The following PDSS2 variants were observed in gnomAD, a reference collection of about 807,000 sequenced individuals.
PDSS2 encodes the protein decaprenyl diphosphate synthase subunit 2.
PDSS2 carries 31 observed loss-of-function variants against 44.5 expected under a neutral mutation model. The observed-to-expected ratio is 0.70, with a 90% confidence interval of 0.52 to 0.94. PDSS2 has a LOEUF of 0.94. Among genes scored for constraint, PDSS2 ranks in the 40% least tolerant of loss-of-function variants. The probability of loss-of-function intolerance (pLI) is 0.00; values close to 1 mark genes in which losing one functional copy is unlikely to be tolerated. For synonymous variants in PDSS2, 157 were observed against 180.3 expected, an observed-to-expected ratio of 0.87 and a Z score of 1.03; for missense variants, 452 against 482.2, an observed-to-expected ratio of 0.94 and a Z score of 0.59.
chr6:107,168,895 T>C (rs9480744), intron 7 of PDSS2, among the ~76,000 whole-genome samples: 63,837 of 151,936 alleles, frequency 0.42, 13,744 homozygotes, highest in African/African-American at 0.45. Context: ...CCTTTCTCTC[T>C]GGCTGCCCTT....
intron 6 of PDSS2, among the ~76,000 whole-genome samples, chr6:107,203,987 C>G (rs897849705): frequency 2.4e-4 from 36 of 151,166 alleles, no homozygotes; most frequent in Non-Finnish European, 4.9e-4. Flanking sequence ...TCTGTCCCCA[C>G]GCTGGAGTGC....
Position 107,350,636 on chromosome 6 carries a change from AC to A in PDSS2, c.297-16305del, listed in dbSNP as rs1778403610. The stretch of plus-strand genomic sequence containing the variant: ...GGCAAAATAGTGAGATCTCATCTCT[AC>A]AAAAATAAAAATAAATGTGAAAATT... On this transcript the variant is annotated intron_variant, in intron 1 of 7. Coordinates refer to ENST00000369037, the MANE Select transcript of PDSS2 (RefSeq NM_020381.4). Among the ~76,000 whole-genome samples the A allele has an allele frequency of 3.3e-5, 5 of 152,106 alleles. No homozygotes were observed. The South Asian group carries it at 1.0e-3, about 32-fold the overall frequency.
chr6:107,440,261 A>G (rs564186751), intron 1 of PDSS2, among the ~76,000 whole-genome samples: 1 of 152,324 alleles, frequency 6.6e-6, no homozygotes, highest in East Asian at 1.9e-4. Context: ...GTTGCTACCA[A>G]CACTACCATC....
intron 2 of PDSS2, among the ~76,000 whole-genome samples, chr6:107,299,571 T>TA (rs905755060): frequency 2.0e-5 from 3 of 152,120 alleles, no homozygotes; most frequent in African/African-American, 7.2e-5. Context: ...ACTGTTCTCT[T>TA]ACCCCCTTTC....
At chr6:107,231,457 A>G (rs1261328217) in intron 4 of PDSS2, among the ~76,000 whole-genome samples, 8 of 152,170 alleles carry the variant, frequency 5.3e-5, no homozygotes, top group African/African-American at 1.9e-4. Context: ...TCCACTGCCA[A>G]CAATCTCGTC....
chr6:107,272,321 A>G lies in PDSS2; in HGVS notation c.630+1708T>C, dbSNP rs1775628458. ...TGGGATCCCAGGATAGCTGGCTTAC[A>G]CTGAGACTCTCCTTTAGCAAACTAG... On this transcript the variant is annotated intron_variant, in intron 3 of 7. Coordinates refer to ENST00000369037, the MANE Select transcript of PDSS2 (RefSeq NM_020381.4). Among the ~76,000 whole-genome samples, 4 of 152,196 alleles carry G rather than the reference A, an allele frequency of 2.6e-5. No homozygotes were observed. In the South Asian group the frequency reaches 8.3e-4, roughly 31 times the overall value.
intron 1 of PDSS2, among the ~76,000 whole-genome samples, chr6:107,415,598 A>G (rs950834144): frequency 6.6e-6 from 1 of 152,200 alleles, no homozygotes; most frequent in African/African-American, 2.4e-5. Context: ...GAAGGCAATT[A>G]ACAACTCATT....
rs67225192 is a variant in PDSS2 at position 107,286,136 on chromosome 6, T to TAAAATTAAAA, written c.432-11910_432-11909insTTTTAATTTT. On this transcript the variant is annotated intron_variant, in intron 2 of 7. Coordinates refer to ENST00000369037, the MANE Select transcript of PDSS2 (RefSeq NM_020381.4). ...CAAGGAGCAAAACTTCGTCGCAAAA[T>TAAAATTAAAA]AAAAAAAAAAAAAAGGAAAGAAAAG... Among the ~76,000 whole-genome samples the TAAAATTAAAA allele has an allele frequency of 7.2e-4, 93 of 128,742 alleles. 2 individuals are homozygous for TAAAATTAAAA. The highest frequency in any genetic ancestry group is 1.2e-3 in the Non-Finnish European group (76 of 63,324). The allele number at this position is 128,742 out of a possible 152,430, so 84.5% of individuals were successfully genotyped here. A position where few individuals can be genotyped will look rare whatever the true frequency, so the allele number is the denominator to read the frequency against.
At chr6:107,158,726 T>C (rs1174845765) in intron 7 of PDSS2, among the ~76,000 whole-genome samples, 1 of 121,180 alleles carries the variant, frequency 8.3e-6, no homozygotes, top group Non-Finnish European at 2.0e-5. Flanking sequence ...CATTTAACTG[T>C]TTTCTTTTTT....
At chr6:107,326,946 AAAG>A (rs1777567399) in intron 2 of PDSS2, among the ~76,000 whole-genome samples, 1 of 152,200 alleles carries the variant, frequency 6.6e-6, no homozygotes, top group South Asian at 2.1e-4. Flanking sequence ...GACCATCTAA[AAAG>A]AAGAAATGCC....
At chr6:107,307,399 T>C (rs1385453365) in intron 2 of PDSS2, among the ~76,000 whole-genome samples, 1 of 152,222 alleles carries the variant, frequency 6.6e-6, no homozygotes, top group Non-Finnish European at 1.5e-5. Flanking sequence ...CAAATCAGCG[T>C]ACTTGATTCA....
intron 4 of PDSS2, among the ~76,000 whole-genome samples, chr6:107,233,424 T>C (rs890272233): frequency 5.3e-5 from 8 of 152,130 alleles, no homozygotes; most frequent in Non-Finnish European, 1.2e-4. Context: ...ACAGCAGAAA[T>C]TCAATACAAG....
intron 1 of PDSS2, among the ~76,000 whole-genome samples, chr6:107,436,854 T>C (rs1192816639): frequency 3.3e-5 from 5 of 151,952 alleles, no homozygotes; most frequent in African/African-American, 1.2e-4. Context: ...CAGTTATTAT[T>C]TGTCAATTAA....
rs1337203736 is a variant in PDSS2, at chr6:107,365,073, AGT to A, written c.297-30743_297-30742del. On this transcript the variant is annotated intron_variant, in intron 1 of 7. Transcript: ENST00000369037. ...TCTGAATCTACATGAAGAAACAAAG[AGT>A]GTAAAAAATAGTGAATAGGTGGGTA... Among the ~76,000 whole-genome samples the A allele has an allele frequency of 2.6e-5, 4 of 152,332 alleles. No homozygotes were observed. The East Asian group carries it at 7.7e-4, about 29-fold the overall frequency.
At chr6:107,202,381 CA>C (rs375196020) in intron 6 of PDSS2, among the ~76,000 whole-genome samples, 46 of 138,682 alleles carry the variant, frequency 3.3e-4, no homozygotes, top group Non-Finnish European at 5.7e-4. Context: ...GCCATCTCTG[CA>C]AAAAAAAAAC....
chr6:107,226,280 C>A (rs1004931999), intron 4 of PDSS2, among the ~76,000 whole-genome samples: 1 of 152,126 alleles, frequency 6.6e-6, no homozygotes, highest in Non-Finnish European at 1.5e-5. Context: ...CCACTGCACT[C>A]CAGCCTGGGC....
intron 1 of PDSS2, among the ~76,000 whole-genome samples, chr6:107,455,334 A>G (rs879885820): frequency 7.9e-5 from 12 of 151,582 alleles, no homozygotes; most frequent in Admixed American, 7.9e-4. Flanking sequence ...GGCTCTTTTT[A>G]GCTTCACCCT....
intron 1 of PDSS2, among the ~76,000 whole-genome samples, chr6:107,343,768 T>G (rs1042059702): frequency 1.3e-5 from 2 of 152,212 alleles, no homozygotes; most frequent in African/African-American, 4.8e-5. Flanking sequence ...TTAAACCTGG[T>G]GTCATTGTAT....
At chr6:107,250,980 C>T (rs770710434) in intron 3 of PDSS2, among the ~76,000 whole-genome samples, 10 of 152,176 alleles carry the variant, frequency 6.6e-5, no homozygotes, top group East Asian at 3.9e-4. Context: ...CTCAGTCTCC[C>T]GAGCAGCTGG....
Sources: allele counts gnomAD v4.1 joint callset (sites outside exome capture counted in the v4.1 genomes callset), GRCh38; gene constraint gnomAD v4.1.1; transcripts MANE v1.5; gene names NCBI Gene and HGNC (gene_info 2026-07-23, HGNC 2026-07-21).